EMP1: variants seen among roughly 807,000 people sequenced by gnomAD.
EMP1 encodes tumor-associated membrane protein.
In EMP1, 5 loss-of-function variants were observed where a neutral mutation model predicts 15.7. The observed-to-expected ratio is 0.32, with a 90% confidence interval of 0.17 to 0.67. The LOEUF (loss-of-function observed/expected upper bound fraction) is 0.67, where lower values mean the gene tolerates loss of function less well. EMP1 is among the 30% of genes least tolerant of loss of function. The pLI, the probability that EMP1 is intolerant of heterozygous loss-of-function variation, is 0.74. For synonymous variants in EMP1, 78 were observed against 76.7 expected (o/e 1.02, Z -0.09); for missense variants, 166 against 194.2 (o/e 0.85, Z 0.86).
At chr12:13,214,399 C>T (rs796929720) in intron 4 of EMP1, 135 bp from the exon 5 acceptor site, 1 of 1,283,190 alleles carries the variant, frequency 7.8e-7, no homozygotes, top group Non-Finnish European at 1.1e-6. Context: ...CATCAGAACT[C>T]CTGTTTAGGG....
At chr12:13,212,811 C>T (rs1864177781) in intron 2 of EMP1, among the ~76,000 whole-genome samples, 1 of 152,298 alleles carries the variant, frequency 6.6e-6, no homozygotes, top group Admixed American at 6.5e-5. Flanking sequence ...AATTCCTTTT[C>T]TTGGGCCAGG....
Position 13,211,455 on chromosome 12 carries a change from C to G in EMP1, c.-42-14C>G. ...TGACAGTAACCGTTTTTGTCCCTTT[C>G]TTTTTCTTTTCAGAACTCTCTTTGC... On this transcript the variant is annotated splice_polypyrimidine_tract_variant and intron_variant, in intron 1 of 4. Transcript: ENST00000256951. The surrounding 1 kb of genome is among the most constrained non-coding windows in gnomAD (Gnocchi z 4.7). 6.3e-7 allele frequency: 1 copy of G among 1,589,448 alleles called. No homozygotes were observed. Among genetic ancestry groups the G allele is most frequent in the Non-Finnish European group, 8.6e-7 (1 of 1,163,548 alleles).
chr12:13,211,593 G>A lies in EMP1; in HGVS notation c.78+5G>A, dbSNP rs1188326630. 1.2e-6 allele frequency: 2 copies of A among 1,613,288 alleles called. No individual in the cohort carries two copies. Among genetic ancestry groups the A allele is most frequent in the Non-Finnish European group, 1.7e-6 (2 of 1,179,668 alleles). On this transcript the variant is annotated splice_donor_5th_base_variant and intron_variant, in intron 2 of 4. Coordinates refer to ENST00000256951, the MANE Select transcript of EMP1 (RefSeq NM_001423.3). This position sits in a 1 kb window ranked among gnomAD's most constrained non-coding sequence, Gnocchi z 4.7. ...TTTGTTAGCACCATTGCCAATGTGAGTAATGTTCTTTTGTTCATTCATTCA... is the reference window on the plus strand; with the variant it reads ...TTTGTTAGCACCATTGCCAATGTGAATAATGTTCTTTTGTTCATTCATTCA...
At chr12:13,206,056 A>G (rs114468812) in intron 1 of EMP1, among the ~76,000 whole-genome samples, 20 of 152,272 alleles carry the variant, frequency 1.3e-4, no homozygotes, top group African/African-American at 4.8e-4. Context: ...GTCATGGGTG[A>G]GGCTGATGCC....
intron 1 of EMP1, among the ~76,000 whole-genome samples, chr12:13,200,924 C>T (rs1220847080): frequency 2.6e-5 from 4 of 152,086 alleles, no homozygotes; most frequent in East Asian, 3.8e-4. Flanking sequence ...TTCTTCAAAC[C>T]GGGTAGTTAA....
intron 1 of EMP1, among the ~76,000 whole-genome samples, chr12:13,197,255 T>A (rs1324784801): frequency 6.6e-6 from 1 of 152,154 alleles, no homozygotes; most frequent in Non-Finnish European, 1.5e-5. Flanking sequence ...ACTGGCCAGA[T>A]GTTTTTCACC....
chr12:13,214,762 G>A lies in EMP1; in HGVS notation c.*71G>A. On this transcript the variant is annotated 3_prime_UTR_variant, in exon 5 of 5. Transcript: ENST00000256951. Reference sequence around the variant, plus strand: ...CGTTGAATCTGGGAGGGAAGTGGAGGTTGCTGTACAGGAAAAACCGAGATA... The same window carrying A: ...CGTTGAATCTGGGAGGGAAGTGGAGATTGCTGTACAGGAAAAACCGAGATA... 9.2e-7 allele frequency: 1 copy of A among 1,087,944 alleles called. No homozygotes were observed. Among genetic ancestry groups the A allele is most frequent in the Non-Finnish European group, 1.2e-6 (1 of 839,992 alleles). The allele number at this position is 1,087,944 out of a possible 1,614,324, so 67.4% of individuals were successfully genotyped here. A position where few individuals can be genotyped will look rare whatever the true frequency, so the allele number is the denominator to read the frequency against.
At position 13,216,200 on chromosome 12, in the gene EMP1, G is replaced by C; in HGVS notation, c.*1509G>C. On this transcript the variant is annotated 3_prime_UTR_variant, in exon 5 of 5. Coordinates refer to ENST00000256951, the MANE Select transcript of EMP1 (RefSeq NM_001423.3). The stretch of plus-strand genomic sequence containing the variant: ...GACGTTTTCTTTATCGCCCTGAGAA[G>C]ATCTACCCCAGGGAGAATCTGAGAC... The C allele has an allele frequency of 1.7e-6, 1 of 572,354 alleles. No individual in the cohort carries two copies. Among genetic ancestry groups the C allele is most frequent in the Non-Finnish European group, 3.1e-6 (1 of 323,664 alleles). 35.5% of individuals were successfully genotyped at this position (572,354 alleles called of 1,614,324 possible).
chr12:13,199,060 C>A, intron 1 of EMP1: 1 of 152,510 alleles, frequency 6.6e-6, no homozygotes, highest in South Asian at 2.0e-4. Flanking sequence ...GCGCCCTGGT[C>A]AGAGGGCCCC....
At chr12:13,197,065 T>C (rs1305176538) in intron 1 of EMP1, among the ~76,000 whole-genome samples, 193 bp downstream of exon 1, 1 of 152,224 alleles carries the variant, frequency 6.6e-6, no homozygotes. Flanking sequence ...TTCTAGAAAG[T>C]TCAGAAAAGT....
intron 1 of EMP1, among the ~76,000 whole-genome samples, chr12:13,208,170 T>C (rs1393879328): frequency 6.6e-6 from 1 of 152,200 alleles, no homozygotes; most frequent in Non-Finnish European, 1.5e-5. Context: ...TAAATTCTCA[T>C]AAATGGTATT....
At position 13,217,730 on chromosome 12, in the gene EMP1, A is replaced by G. The variant is rs1445776152; in HGVS notation, c.*3039A>G. On this transcript the variant is annotated 3_prime_UTR_variant, in exon 5 of 5. Coordinates refer to ENST00000256951, the MANE Select transcript of EMP1 (RefSeq NM_001423.3). ...CTAAGATTGGTATCTTTCTCCTCAAAAGCCTGGATGGTGAATGGGGGTGCA... is the reference window on the plus strand; with the variant it reads ...CTAAGATTGGTATCTTTCTCCTCAAGAGCCTGGATGGTGAATGGGGGTGCA... 4 of 152,164 alleles carry G rather than the reference A, an allele frequency of 2.6e-5. No individual in the cohort carries two copies. Among genetic ancestry groups the G allele is most frequent in the Non-Finnish European group, 5.9e-5 (4 of 68,026 alleles). 9.4% of individuals were successfully genotyped at this position (152,164 alleles called of 1,614,324 possible).
intron 1 of EMP1, among the ~76,000 whole-genome samples, chr12:13,206,438 C>T (rs948595333): frequency 6.6e-6 from 1 of 152,130 alleles, no homozygotes; most frequent in Non-Finnish European, 1.5e-5. Context: ...GTGTTTGCAT[C>T]GTCTTCAGCT....
Position 13,211,679 on chromosome 12 carries a change from G to T in EMP1, c.78+91G>T. The T allele has an allele frequency of 7.0e-7, 1 of 1,434,064 alleles. No homozygotes were observed. Among genetic ancestry groups the T allele is most frequent in the East Asian group, 2.3e-5 (1 of 43,952 alleles). The allele number at this position is 1,434,064 out of a possible 1,614,324, so 88.8% of individuals were successfully genotyped here. On this transcript the variant is annotated intron_variant, in intron 2 of 4. Coordinates refer to ENST00000256951, the MANE Select transcript of EMP1 (RefSeq NM_001423.3). This position sits in a 1 kb window ranked among gnomAD's most constrained non-coding sequence, Gnocchi z 4.7. ...AAAAGAAGTTTAAGCCACAGCCCTT[G>T]CCCTTCATGAACTTACAGCTCAGTT...
At chr12:13,214,191 C>T (rs1591710737) in intron 4 of EMP1, 4 of 598,130 alleles carry the variant, frequency 6.7e-6, no homozygotes, top group East Asian at 5.5e-5. Flanking sequence ...CCAATATACT[C>T]GGTTTGGTGG....
intron 1 of EMP1, among the ~76,000 whole-genome samples, chr12:13,200,136 C>CA (rs1864051339): frequency 2.0e-5 from 3 of 152,168 alleles, no homozygotes; most frequent in African/African-American, 7.2e-5. Flanking sequence ...TACATAGCTG[C>CA]CTAACACAAA....
chr12:13,206,846 C>G (rs1279305451), intron 1 of EMP1, among the ~76,000 whole-genome samples: 1 of 152,050 alleles, frequency 6.6e-6, no homozygotes, highest in Non-Finnish European at 1.5e-5. Flanking sequence ...TCAGAGAACC[C>G]TAAAAGTGTT....
chr12:13,198,963 G>A (rs766810110), intron 1 of EMP1, among the ~76,000 whole-genome samples: 43 of 150,072 alleles, frequency 2.9e-4, no homozygotes, highest in South Asian at 4.3e-4. Flanking sequence ...CACTCTGCCC[G>A]CTGCCTCCCA....
chr12:13,213,319 T>C, intron 2 of EMP1, 160 bp from the exon 3 acceptor site: 1 of 670,788 alleles, frequency 1.5e-6, no homozygotes, highest in East Asian at 2.7e-5. Context: ...TCAGTTTTAA[T>C]CGGACCTTAT....
Sources: gnomAD v4.1 joint callset for allele counts (sites outside exome capture counted in the v4.1 genomes callset) on GRCh38, gnomAD v4.1.1 for gene constraint, Gnocchi (gnomAD v3.1) non-coding constraint, MANE v1.5 for transcripts, NCBI Gene and HGNC (gene_info 2026-07-23, HGNC 2026-07-21) for gene names.